CNOT2: variants seen among roughly 807,000 people sequenced by gnomAD.
CNOT2 encodes CCR4-NOT transcription complex subunit 2.
In CNOT2, 7 loss-of-function variants were observed where a neutral mutation model predicts 72.1. That is an observed-to-expected ratio of 0.10 (90% CI 0.06 to 0.18). The LOEUF (loss-of-function observed/expected upper bound fraction) is 0.18, where lower values mean the gene tolerates loss of function less well. Ranked by LOEUF, CNOT2 falls within the 10% of genes least tolerant of loss-of-function variation. The probability of loss-of-function intolerance (pLI) is 1.00; values close to 1 mark genes in which losing one functional copy is unlikely to be tolerated. For missense variants in CNOT2, 345 were observed against 660.3 expected, an observed-to-expected ratio of 0.52 and a Z score of 5.23; for synonymous variants, 196 against 225.6, an observed-to-expected ratio of 0.87 and a Z score of 1.17.
At chr12:70,283,337 G>A (rs1870204639) in intron 2 of CNOT2, among the ~76,000 whole-genome samples, 1 of 152,058 alleles carries the variant, frequency 6.6e-6, no homozygotes, top group African/African-American at 2.4e-5. Flanking sequence ...CTGTGCACCT[G>A]TAGTCCTAGC....
intron 1 of CNOT2, among the ~76,000 whole-genome samples, chr12:70,259,028 C>T (rs10879116): frequency 0.14 from 21,811 of 152,164 alleles, 1,756 homozygotes; most frequent in African/African-American, 0.21. Flanking sequence ...TAAAATATAC[C>T]TTGTATATAC....
intron 1 of CNOT2, among the ~76,000 whole-genome samples, chr12:70,276,681 T>C (rs1050322340): frequency 1.6e-4 from 25 of 152,132 alleles, no homozygotes; most frequent in African/African-American, 5.5e-4. Context: ...AAAGATTACA[T>C]TTATAATAGT....
intron 14 of CNOT2, chr12:70,345,224 A>G (rs1417620117): frequency 6.6e-6 from 1 of 152,224 alleles, no homozygotes; most frequent in Non-Finnish European, 1.5e-5. Flanking sequence ...TAAGTATTTC[A>G]TAACATTTCT....
intron 11 of CNOT2, among the ~76,000 whole-genome samples, chr12:70,340,387 A>T (rs1208314317): frequency 6.6e-6 from 1 of 152,002 alleles, no homozygotes; most frequent in African/African-American, 2.4e-5. Context: ...CTCTGCATTT[A>T]CATCCTTGAT....
chr12:70,257,281 C>T (rs953779677), intron 1 of CNOT2, among the ~76,000 whole-genome samples: 9 of 150,640 alleles, frequency 6.0e-5, no homozygotes, highest in Non-Finnish European at 1.3e-4. Context: ...GAGTAAATGA[C>T]AACATATGTA....
chr12:70,339,074 GTGTATA>G (rs1297913359), intron 11 of CNOT2, among the ~76,000 whole-genome samples: 17 of 129,154 alleles, frequency 1.3e-4, no homozygotes, highest in African/African-American at 5.7e-4. Flanking sequence ...ATATGTGTGT[GTGTATA>G]TATATATATA....
chr12:70,261,168 A>G (rs1464548862), intron 1 of CNOT2, among the ~76,000 whole-genome samples: 9 of 151,708 alleles, frequency 5.9e-5, no homozygotes, highest in Admixed American at 3.3e-4. Context: ...GTTGTATTAC[A>G]TTATTTTGTT....
chr12:70,271,568 G>C (rs969751489), intron 1 of CNOT2, among the ~76,000 whole-genome samples: 2 of 151,684 alleles, frequency 1.3e-5, no homozygotes, highest in East Asian at 3.9e-4. Context: ...GAGATGGGGT[G>C]TGCCATGTTG....
chr12:70,291,254 T>C (rs1871852839), intron 2 of CNOT2, among the ~76,000 whole-genome samples: 1 of 152,226 alleles, frequency 6.6e-6, no homozygotes, highest in Non-Finnish European at 1.5e-5. Context: ...TAAAATAGTA[T>C]ATTATCTCTG....
chr12:70,274,196 C>T (rs999161300), intron 1 of CNOT2, among the ~76,000 whole-genome samples: 3 of 151,956 alleles, frequency 2.0e-5, no homozygotes, highest in African/African-American at 7.2e-5. Flanking sequence ...ATTTTTAAAA[C>T]ATCCATGTGA....
At chr12:70,249,034 C>A (rs543083609) in intron 1 of CNOT2, among the ~76,000 whole-genome samples, 30 of 152,054 alleles carry the variant, frequency 2.0e-4, no homozygotes, top group Admixed American at 3.9e-4. Flanking sequence ...TACTATTTTT[C>A]CATTTGTGTA....
chr12:70,344,971 A>C (rs1881978778), intron 14 of CNOT2: 1 of 152,182 alleles, frequency 6.6e-6, no homozygotes, highest in South Asian at 2.1e-4. Context: ...TAAAGTCCAC[A>C]TTTTCATTAT....
At chr12:70,313,566 G>C (rs77397439) in intron 3 of CNOT2, among the ~76,000 whole-genome samples, 21,906 of 151,672 alleles carry the variant, frequency 0.14, 1,922 homozygotes, top group Admixed American at 0.28. Flanking sequence ...TTTTCTACAA[G>C]CTTATCCAAT....
At chr12:70,304,035 C>T (rs1279213421) in intron 2 of CNOT2, among the ~76,000 whole-genome samples, 1 of 152,170 alleles carries the variant, frequency 6.6e-6, no homozygotes, top group Non-Finnish European at 1.5e-5. Context: ...CGTTCTCGTG[C>T]CGTGGTTTTC....
intron 1 of CNOT2, among the ~76,000 whole-genome samples, chr12:70,267,292 C>T (rs1959096679): frequency 6.6e-6 from 1 of 152,054 alleles, no homozygotes; most frequent in Admixed American, 6.6e-5. Context: ...AGAGAAGAAA[C>T]CTTCCTTCTA....
intron 2 of CNOT2, among the ~76,000 whole-genome samples, chr12:70,294,942 G>A (rs1419679217): frequency 2.6e-5 from 4 of 151,258 alleles, no homozygotes; most frequent in East Asian, 3.9e-4. Context: ...ATCCTGTGTC[G>A]TGTGTGTGTG....
chr12:70,254,423 C>T (rs571704321), intron 1 of CNOT2, among the ~76,000 whole-genome samples: 57 of 152,006 alleles, frequency 3.7e-4, no homozygotes, highest in Non-Finnish European at 6.9e-4. Context: ...TGGGATGGAG[C>T]GGGATGTCAG....
intron 2 of CNOT2, chr12:70,297,961 TC>T (rs1316199298): frequency 5.9e-6 from 1 of 169,466 alleles, no homozygotes; most frequent in Non-Finnish European, 1.3e-5. Flanking sequence ...GCTCTTGAAT[TC>T]CTGACCTCAG....
At chr12:70,337,999 G>A (rs547179845) in intron 9 of CNOT2, 4 of 237,832 alleles carry the variant, frequency 1.7e-5, no homozygotes, top group East Asian at 2.6e-4. Context: ...AAAGAAGATC[G>A]GTAAGAATTA....
Sources: allele counts gnomAD v4.1 joint callset (sites outside exome capture counted in the v4.1 genomes callset), GRCh38; gene constraint gnomAD v4.1.1; transcripts MANE v1.5; gene names NCBI Gene and HGNC (gene_info 2026-07-23, HGNC 2026-07-21).